NAV1: variants seen among roughly 807,000 people sequenced by gnomAD.
NAV1 encodes the protein pore membrane and/or filament interacting like protein 3.
In NAV1, 18 loss-of-function variants were observed where a neutral mutation model predicts 175.2. That is an observed-to-expected ratio of 0.10 (90% CI 0.07 to 0.15). The LOEUF (loss-of-function observed/expected upper bound fraction) is 0.15, where lower values mean the gene tolerates loss of function less well. Among genes scored for constraint, NAV1 ranks in the 10% least tolerant of loss-of-function variants. NAV1 has a pLI of 1.00. For missense variants in NAV1, 1,731 were observed against 2,436.6 expected (o/e 0.71, Z 6.10); for synonymous variants, 897 against 978.7 (o/e 0.92, Z 1.56).
At chr1:201,640,501 C>A (rs1014168517) in intron 2 of NAV1, among the ~76,000 whole-genome samples, 24 of 152,190 alleles carry the variant, frequency 1.6e-4, no homozygotes, top group African/African-American at 5.8e-4. Flanking sequence ...GCCCACTTTT[C>A]CCCCTGTCTC....
intron 14 of NAV1, 124 bp downstream of exon 18, chr1:201,793,999 C>T (rs1231568801): frequency 2.5e-6 from 2 of 792,658 alleles, no homozygotes; most frequent in African/African-American, 3.4e-5. Flanking sequence ...TCACTGTCAC[C>T]CTGGATTCTC....
intron 2 of NAV1, among the ~76,000 whole-genome samples, chr1:201,642,525 T>TTTTTCTTTCTTTCTTTCTTTCTTTC (rs1553247053): frequency 2.0e-5 from 2 of 100,306 alleles, no homozygotes; most frequent in African/African-American, 8.6e-5. Context: ...TTCTTTCTTT[T>TTTTTCTTTCTTTCTTTCTTTCTTTC]TTTCTTTCTT....
chr1:201,607,152 G>C (rs1246472106), intron 2 of NAV1, among the ~76,000 whole-genome samples: 1 of 130,982 alleles, frequency 7.6e-6, no homozygotes, highest in Non-Finnish European at 1.6e-5. Flanking sequence ...GTCTCCCTCT[G>C]TCACCCAGGC....
chr1:201,819,260 G>A (rs540449558), intron 29 of NAV1, among the ~76,000 whole-genome samples: 1 of 152,216 alleles, frequency 6.6e-6, no homozygotes, highest in South Asian at 2.1e-4. Flanking sequence ...AGGCAGAAGT[G>A]GTCTCATTCT....
At chr1:201,649,518 C>A in intron 1 of NAV1, 93 bp downstream of exon 5, 1 of 1,432,976 alleles carries the variant, frequency 7.0e-7, no homozygotes, top group Non-Finnish European at 9.1e-7. Flanking sequence ...CCTCCCCTTG[C>A]GCCTTCCCGG....
At chr1:201,790,492 TC>T in intron 11 of NAV1, 61 bp from the exon 16 acceptor site, 1 of 1,597,934 alleles carries the variant, frequency 6.3e-7, no homozygotes, top group Admixed American at 1.7e-5. Flanking sequence ...CCTGACTTCT[TC>T]ACCTCCATAG....
intron 17 of NAV1, among the ~76,000 whole-genome samples, chr1:201,805,185 A>C (rs2102796261): frequency 6.6e-6 from 1 of 152,330 alleles, no homozygotes; most frequent in South Asian, 2.1e-4. Context: ...TGTGTTGTGA[A>C]GGATATGAAA....
At chr1:201,765,845 G>A (rs899606842) in intron 3 of NAV1, among the ~76,000 whole-genome samples, 2 of 152,012 alleles carry the variant, frequency 1.3e-5, no homozygotes, top group African/African-American at 2.4e-5. Flanking sequence ...TTTTAATAAC[G>A]CCATGTAACC....
At chr1:201,733,115 T>C (rs897520099) in intron 3 of NAV1, among the ~76,000 whole-genome samples, 2 of 150,046 alleles carry the variant, frequency 1.3e-5, no homozygotes, top group Non-Finnish European at 3.0e-5. Flanking sequence ...GCATGGTGGC[T>C]TATGCCTGTA....
rs970981596 is a variant in NAV1 at position 201,790,956 on chromosome 1, A to G, written c.3321+190A>G. The G allele has an allele frequency of 6.6e-6, 4 of 602,154 alleles. No homozygotes were observed. The African/African-American group carries it at 7.4e-5, about 11-fold the overall frequency. 37.3% of individuals were successfully genotyped at this position (602,154 alleles called of 1,614,324 possible). A position where few individuals can be genotyped will look rare whatever the true frequency, so the allele number is the denominator to read the frequency against. On this transcript the variant is annotated intron_variant, in intron 13 of 29. Transcript: ENST00000367296. The stretch of plus-strand genomic sequence containing the variant: ...TCCCCTTCTCTGAGCCTCAACTTTT[A>G]TGAAGAACCATTTTGCTTCTACTCT...
chr1:201,698,452 C>T (rs1312475008), intron 1 of NAV1, among the ~76,000 whole-genome samples: 2 of 152,210 alleles, frequency 1.3e-5, no homozygotes, highest in Non-Finnish European at 2.9e-5. Flanking sequence ...GGGCACAGCC[C>T]GGCATGATCT....
At position 201,702,823 on chromosome 1, in the gene NAV1, A is replaced by G. The variant is rs550025516; in HGVS notation, c.758-9994A>G. ...TTCTGGCTTTGCCATTTGCTGTTAT[A>G]TGTCCTTGGACAGCTTACTCAACCT... is the stretch of plus-strand genomic sequence containing the variant. On this transcript the variant is annotated intron_variant, in intron 1 of 29. Transcript: ENST00000367296. 1.1e-4 allele frequency among the ~76,000 whole-genome samples: 16 copies of G among 151,848 alleles called. No homozygotes were observed. In the East Asian group the frequency reaches 2.3e-3, roughly 22 times the overall value.
intron 1 of NAV1, among the ~76,000 whole-genome samples, chr1:201,661,458 T>C (rs1007682727): frequency 5.3e-5 from 8 of 152,022 alleles, no homozygotes; most frequent in Non-Finnish European, 1.2e-4. Context: ...CAGGAAGAAA[T>C]AGGGCCAAAA....
At chr1:201,716,846 C>G (rs1672162482) in intron 2 of NAV1, among the ~76,000 whole-genome samples, 1 of 152,222 alleles carries the variant, frequency 6.6e-6, no homozygotes, top group Non-Finnish European at 1.5e-5. Flanking sequence ...CCACTACACT[C>G]CAGCCTAGGC....
In NAV1 at chr1:201,611,266, C is replaced by A. The variant is rs183707662; in HGVS notation, c.-32-11587C>A. On this transcript the variant is annotated intron_variant, in intron 2 of 33. Coordinates refer to the NAV1 transcript ENST00000685211. ...TGGCCCCCAGCTGGTTTGCTGAAGCCTGAAGCCAGGGTCTACAGGCAAGAG... is the reference window on the plus strand; with the variant it reads ...TGGCCCCCAGCTGGTTTGCTGAAGCATGAAGCCAGGGTCTACAGGCAAGAG... 1.2e-4 allele frequency among the ~76,000 whole-genome samples: 19 copies of A among 152,326 alleles called. No homozygotes were observed. In the East Asian group the frequency reaches 3.7e-3, roughly 29 times the overall value.
chr1:201,710,321 C>G (rs1173340985), intron 1 of NAV1, among the ~76,000 whole-genome samples: 1 of 151,480 alleles, frequency 6.6e-6, no homozygotes, highest in Non-Finnish European at 1.5e-5. Context: ...GGGTCTCACT[C>G]TGTTGCCCAG....
intron 1 of NAV1, among the ~76,000 whole-genome samples, chr1:201,686,625 T>A (rs1466624850): frequency 1.3e-5 from 2 of 152,228 alleles, no homozygotes; most frequent in Non-Finnish European, 2.9e-5. Context: ...AAGATTGCAT[T>A]GATTTGCATC....
chr1:201,547,572 G>A (rs1347560268), intron 1 of NAV1, among the ~76,000 whole-genome samples: 3 of 152,092 alleles, frequency 2.0e-5, no homozygotes, highest in Non-Finnish European at 2.9e-5. Flanking sequence ...TCATGTAATC[G>A]TTCCAACAAC....
intron 2 of NAV1, among the ~76,000 whole-genome samples, chr1:201,611,041 G>A (rs1054446825): frequency 1.1e-4 from 17 of 152,136 alleles, no homozygotes; most frequent in African/African-American, 3.1e-4. Flanking sequence ...CCAGGCCGGC[G>A]CTGGGGATAC....
Sources: gnomAD v4.1 joint callset for allele counts (sites outside exome capture counted in the v4.1 genomes callset) on GRCh38, gnomAD v4.1.1 for gene constraint, MANE v1.5 for transcripts, NCBI Gene and HGNC (gene_info 2026-07-23, HGNC 2026-07-21) for gene names.